POT1: variants seen among roughly 807,000 people sequenced by gnomAD.
The protein encoded by POT1 is protection of telomeres 1.
A neutral mutation model predicts 78.5 loss-of-function variants in POT1; 47 were observed. That is an observed-to-expected ratio of 0.60 (90% CI 0.47 to 0.76). POT1 has a LOEUF of 0.76. POT1 is among the 30% of genes least tolerant of loss of function. The pLI is 0.00. For synonymous variants in POT1, 259 were observed against 260.7 expected, an observed-to-expected ratio of 0.99 and a Z score of 0.06; for missense variants, 646 against 749.9, an observed-to-expected ratio of 0.86 and a Z score of 1.62.
intron 5 of POT1, among the ~76,000 whole-genome samples, chr7:124,895,017 T>C (rs1407237132): frequency 6.6e-6 from 1 of 151,670 alleles, no homozygotes; most frequent in African/African-American, 2.4e-5. Flanking sequence ...TCCTAACAAC[T>C]CCTAGGTTAA....
intron 14 of POT1, among the ~76,000 whole-genome samples, chr7:124,836,071 T>A (rs1794894043): frequency 1.3e-5 from 2 of 152,210 alleles, no homozygotes; most frequent in African/African-American, 2.4e-5. Flanking sequence ...GTGTATTTCC[T>A]AAAATTTGGG....
rs1584764879 is a variant in POT1 at position 124,851,883 on chromosome 7, T to A, written c.938A>T (p.Asp313Val). Residue 313 changes from aspartate to valine, a missense_variant, in exon 11 of 19, where the codon GAC (aspartate) becomes GTC (valine). Physicochemically the swap from Asp to Val is radical, Grantham distance 152. Transcript: ENST00000357628. ...AAGATTATCCTTACTTGGAAAGCTG[T>A]CGTCAGGTTCTGATTGACAGATAAC... ...SDVICQSEPD[D>V]SFPSSGSVSL... 4 of 1,607,104 alleles carry A rather than the reference T, an allele frequency of 2.5e-6. No homozygotes were observed. The highest frequency in any genetic ancestry group is 3.4e-6 in the Non-Finnish European group (4 of 1,174,092).
chr7:124,921,493 A>G (rs1290694652), intron 2 of POT1, among the ~76,000 whole-genome samples: 1 of 145,472 alleles, frequency 6.9e-6, no homozygotes, highest in East Asian at 2.0e-4. Flanking sequence ...TAAAACTTAA[A>G]AAGAAATAAA....
chr7:124,858,932 AAC>A, intron 9 of POT1, 23 bp downstream of exon 9: 1 of 1,537,122 alleles, frequency 6.5e-7, no homozygotes, highest in Non-Finnish European at 8.8e-7. Context: ...AACATAAAAT[AAC>A]ATTTTTTCCT....
At chr7:124,905,636 G>A (rs932356545) in intron 3 of POT1, among the ~76,000 whole-genome samples, 1 of 152,046 alleles carries the variant, frequency 6.6e-6, no homozygotes, top group Non-Finnish European at 1.5e-5. Context: ...ATTGACAAAC[G>A]GGATCTAATT....
intron 6 of POT1, among the ~76,000 whole-genome samples, chr7:124,882,663 G>A (rs1453835889): frequency 6.6e-6 from 1 of 150,748 alleles, no homozygotes; most frequent in Non-Finnish European, 1.5e-5. Context: ...TCTTTTAACT[G>A]AATGAGTAAA....
intron 11 of POT1, among the ~76,000 whole-genome samples, chr7:124,848,262 T>G (rs7803745): frequency 0.013 from 1,926 of 152,122 alleles, 37 homozygotes; most frequent in African/African-American, 0.043. Context: ...TAAAAAACTC[T>G]AAATAACTAC....
intron 15 of POT1, among the ~76,000 whole-genome samples, chr7:124,831,562 C>T (rs1170679312): frequency 6.6e-6 from 1 of 152,026 alleles, no homozygotes; most frequent in Non-Finnish European, 1.5e-5. Flanking sequence ...ACCCACTGAA[C>T]TCATTTTATG....
intron 11 of POT1, among the ~76,000 whole-genome samples, 192 bp from the exon 12 acceptor site, chr7:124,847,190 T>A (rs1795191113): frequency 6.6e-6 from 1 of 152,198 alleles, no homozygotes; most frequent in African/African-American, 2.4e-5. Flanking sequence ...TTCAGCATAA[T>A]CCTTCGAAAA....
chr7:124,913,801 AT>A (rs1469750178), intron 3 of POT1, among the ~76,000 whole-genome samples: 2 of 151,950 alleles, frequency 1.3e-5, no homozygotes, highest in East Asian at 1.9e-4. Context: ...TCTTCTTCTT[AT>A]TTAACTGTTT....
intron 12 of POT1, among the ~76,000 whole-genome samples, chr7:124,844,699 C>A (rs1795121690): frequency 7.6e-6 from 1 of 130,914 alleles, no homozygotes; most frequent in Non-Finnish European, 1.6e-5. Context: ...AGTGCCACTG[C>A]ACTCCAGCCT....
intron 9 of POT1, among the ~76,000 whole-genome samples, chr7:124,857,546 G>A (rs1235071009): frequency 6.6e-6 from 1 of 152,204 alleles, no homozygotes; most frequent in Non-Finnish European, 1.5e-5. Flanking sequence ...GGGAAGAGAG[G>A]CAGCTGGCCA....
In POT1 at chr7:124,928,926, T is replaced by C. The variant is rs1797341894; in HGVS notation, c.-338A>G. The C allele has an allele frequency of 1.3e-5, 2 of 152,632 alleles. No individual in the cohort carries two copies. The highest frequency in any genetic ancestry group is 1.3e-4 in the Admixed American group (2 of 15,286). 9.5% of individuals were successfully genotyped at this position (152,632 alleles called of 1,614,324 possible). A position where few individuals can be genotyped will look rare whatever the true frequency, so the allele number is the denominator to read the frequency against. ...GCACCCCATTGACTTCCTTTATTAA[T>C]TCAAGTGGCATATCAGTTCTGCTTC... On this transcript the variant is annotated 5_prime_UTR_variant, in exon 2 of 19. Coordinates refer to ENST00000357628, the MANE Select transcript of POT1 (RefSeq NM_015450.3).
intron 11 of POT1, among the ~76,000 whole-genome samples, chr7:124,847,306 C>G (rs1157611054): frequency 1.3e-5 from 2 of 152,140 alleles, no homozygotes; most frequent in Non-Finnish European, 2.9e-5. Context: ...ACCAGCCTGG[C>G]CAAAATGGTG....
rs976112097 is a variant in POT1, at chr7:124,886,699, T to C, written c.124+5567A>G. On this transcript the variant is annotated intron_variant, in intron 6 of 18. Coordinates refer to ENST00000357628, the MANE Select transcript of POT1 (RefSeq NM_015450.3). ...ATTTTTTACTACGGGACTGCAGTGATTGAAGTAAACATATCTGATAGAGAT... is the reference window on the plus strand; with the variant it reads ...ATTTTTTACTACGGGACTGCAGTGACTGAAGTAAACATATCTGATAGAGAT... Among the ~76,000 whole-genome samples, 10 of 152,100 alleles carry C rather than the reference T, an allele frequency of 6.6e-5. No individual in the cohort carries two copies. The East Asian group carries it at 9.6e-4, about 15-fold the overall frequency.
intron 6 of POT1, among the ~76,000 whole-genome samples, chr7:124,889,851 G>GTGCA (rs1402620713): frequency 2.0e-5 from 3 of 151,968 alleles, no homozygotes; most frequent in Non-Finnish European, 4.4e-5. Context: ...CTCATTGACA[G>GTGCA]TGCACCTAGT....
Position 124,822,616 on chromosome 7 carries a change from A to G in POT1, c.*1346T>C. 2.3e-6 allele frequency: 1 copy of G among 438,544 alleles called. No homozygotes were observed. The allele number at this position is 438,544 out of a possible 1,614,324, so 27.2% of individuals were successfully genotyped here. A position where few individuals can be genotyped will look rare whatever the true frequency, so the allele number is the denominator to read the frequency against. On this transcript the variant is annotated 3_prime_UTR_variant, in exon 19 of 19. Coordinates refer to ENST00000357628, the MANE Select transcript of POT1 (RefSeq NM_015450.3). ...GAGCACATCATCAACACGGAAACAC[A>G]CCTGTTCAACTGTAGGGTTTTAAAA...
chr7:124,838,833 G>A (rs557089203), intron 14 of POT1, among the ~76,000 whole-genome samples: 17 of 152,164 alleles, frequency 1.1e-4, no homozygotes, highest in Admixed American at 7.9e-4. Flanking sequence ...TCGAACTCCC[G>A]ACCTCAGGTG....
In POT1 at chr7:124,827,271, A is replaced by G; in HGVS notation, c.1629T>C (p.Val543=). ...TTCCATCATCAAGTGTAAAGGTCAT[A>G]ACAAACACATATTGGAGGGGTACAA... The part of the protein sequence containing the change: ...LGIVPLQYVF[V]MTFTLDDGTG... The change falls in exon 17 of 19, where the codon GTT becomes GTC. Residue 543 remains valine (V), a synonymous_variant. Coordinates refer to ENST00000357628, the MANE Select transcript of POT1 (RefSeq NM_015450.3). The G allele has an allele frequency of 6.2e-7, 1 of 1,600,372 alleles. No individual in the cohort carries two copies. Among genetic ancestry groups the G allele is most frequent in the Non-Finnish European group, 8.5e-7 (1 of 1,169,660 alleles).
Sources: allele counts gnomAD v4.1 joint callset (sites outside exome capture counted in the v4.1 genomes callset), GRCh38; gene constraint gnomAD v4.1.1; transcripts MANE v1.5; gene names NCBI Gene and HGNC (gene_info 2026-07-23, HGNC 2026-07-21).